SCYL2: variants seen among roughly 807,000 people sequenced by gnomAD.
SCYL2 encodes the protein SCY1 like pseudokinase 2, also known as SCY1-like protein 2.
In SCYL2, 36 loss-of-function variants were observed where a neutral mutation model predicts 100.4. The observed-to-expected ratio is 0.36, with a 90% CI of 0.27 to 0.47. The LOEUF (loss-of-function observed/expected upper bound fraction) is 0.47, where lower values mean the gene tolerates loss of function less well. SCYL2 is among the 20% of genes least tolerant of loss of function. SCYL2 has a pLI of 1.00. For missense variants in SCYL2, 902 were observed against 1,083.9 expected (o/e 0.83, Z 2.36); for synonymous variants, 330 against 359.2 (o/e 0.92, Z 0.92).
At chr12:100,321,629 A>C (rs2096355862) in intron 10 of SCYL2, among the ~76,000 whole-genome samples, 1 of 152,214 alleles carries the variant, frequency 6.6e-6, no homozygotes, top group Non-Finnish European at 1.5e-5. Context: ...GGAAGTACTT[A>C]CAAATAACAA....
chr12:100,326,129 T>G (rs986586666), intron 11 of SCYL2, among the ~76,000 whole-genome samples: 2 of 152,112 alleles, frequency 1.3e-5, no homozygotes, highest in Non-Finnish European at 2.9e-5. Context: ...TAAGAGGTCT[T>G]AATAACTGTA....
intron 13 of SCYL2, among the ~76,000 whole-genome samples, chr12:100,333,052 G>A (rs773273504): frequency 6.6e-6 from 1 of 151,840 alleles, no homozygotes; most frequent in Non-Finnish European, 1.5e-5. Flanking sequence ...GTTACATTGG[G>A]TGTGTTCAAT....
chr12:100,269,483 CCTGATGTGTAAGTG>C lies in SCYL2; in HGVS notation c.-29+1696_-29+1709del, dbSNP rs530945576. Among the ~76,000 whole-genome samples the C allele has an allele frequency of 5.6e-3, 848 of 152,174 alleles. 8 individuals carry two copies. The highest frequency in any genetic ancestry group is 0.019 in the African/African-American group (773 of 41,488). ...TAAATTAATTAGATGTTCCTCATCT[CCTGATGTGTAAGTG>C]CTGAATGTTTATTAAATGAATGAAT... On this transcript the variant is annotated intron_variant, in intron 1 of 17. Coordinates refer to ENST00000360820, the MANE Select transcript of SCYL2 (RefSeq NM_017988.6).
chr12:100,316,735 A>G (rs758947279), intron 9 of SCYL2, among the ~76,000 whole-genome samples: 2 of 152,198 alleles, frequency 1.3e-5, no homozygotes, highest in Non-Finnish European at 2.9e-5. Flanking sequence ...ATCAGTCAAG[A>G]TAGTACCCTA....
At chr12:100,324,454 G>T (rs2135923878) in intron 11 of SCYL2, among the ~76,000 whole-genome samples, 1 of 152,174 alleles carries the variant, frequency 6.6e-6, no homozygotes, top group East Asian at 1.9e-4. Flanking sequence ...CTAGTTCTCT[G>T]GAGATCCCGT....
chr12:100,293,596 T>C (rs1379577272), intron 3 of SCYL2, among the ~76,000 whole-genome samples: 1 of 151,820 alleles, frequency 6.6e-6, no homozygotes, highest in African/African-American at 2.4e-5. Flanking sequence ...GGCAGGGTCA[T>C]AGGACAATAG....
chr12:100,283,263 G>A, intron 2 of SCYL2, 116 bp downstream of exon 2: 1 of 785,240 alleles, frequency 1.3e-6, no homozygotes, highest in Non-Finnish European at 2.0e-6. Flanking sequence ...TTCTTAAATG[G>A]GTTCTTTAGT....
At chr12:100,296,458 C>T (rs1287431006) in intron 3 of SCYL2, among the ~76,000 whole-genome samples, 1 of 151,990 alleles carries the variant, frequency 6.6e-6, no homozygotes, top group African/African-American at 2.4e-5. Context: ...AGGAAAGAAC[C>T]TTGAAATGTA....
intron 4 of SCYL2, among the ~76,000 whole-genome samples, chr12:100,301,366 G>A (rs2135876243): frequency 6.6e-6 from 1 of 151,920 alleles, no homozygotes; most frequent in South Asian, 2.1e-4. Context: ...TTTCAATGGA[G>A]TTGTTTGAAC....
intron 1 of SCYL2, among the ~76,000 whole-genome samples, chr12:100,270,625 T>TTC (rs1215459797): frequency 6.8e-5 from 10 of 145,992 alleles, no homozygotes; most frequent in Admixed American, 2.7e-4. Context: ...GTTGCTTTCT[T>TTC]TTTTTTTTTT....
rs943098947 is a variant in SCYL2 at position 100,341,162 on chromosome 12, T to C, written c.*1990T>C. The C allele has an allele frequency of 2.0e-5, 3 of 152,112 alleles. No individual in the cohort carries two copies. The highest frequency in any genetic ancestry group is 4.8e-5 in the African/African-American group (2 of 41,458). The allele number at this position is 152,112 out of a possible 1,614,324, so 9.4% of individuals were successfully genotyped here. On this transcript the variant is annotated 3_prime_UTR_variant, in exon 18 of 18. Coordinates refer to ENST00000360820, the MANE Select transcript of SCYL2 (RefSeq NM_017988.6). ...ATGGTGCTATGTTTTTACAAAATTG[T>C]TCCTACACCTTTTTTCTACTTCAGG...
chr12:100,338,947 G>C lies in SCYL2; in HGVS notation c.2565G>C (p.Gln855His), dbSNP rs771452664. The change falls in exon 18 of 18, where the codon CAG (glutamine) becomes CAC (histidine). Residue 855 changes from glutamine to histidine, a missense_variant. Transcript: ENST00000360820. ...AGAAACCCAAAGTTAGCATGAACCA[G>C]TTATCACAACAGAAACCAAATCAGT... ...GPQKPKVSMN[Q>H]LSQQKPNQWL... 32 of 1,614,034 alleles carry C rather than the reference G, an allele frequency of 2.0e-5. No homozygotes were observed. Among genetic ancestry groups the C allele is most frequent in the Non-Finnish European group, 2.6e-5 (31 of 1,180,000 alleles).
chr12:100,311,198 T>C lies in SCYL2; in HGVS notation c.630+5T>C. 6.3e-7 allele frequency: 1 copy of C among 1,583,092 alleles called. No homozygotes were observed. The highest frequency in any genetic ancestry group is 1.4e-5 in the African/African-American group (1 of 73,098). On this transcript the variant is annotated splice_donor_5th_base_variant and intron_variant, in intron 5 of 17. Coordinates refer to ENST00000360820, the MANE Select transcript of SCYL2 (RefSeq NM_017988.6). ...ACCAATCCTTCTGAACAAGAGGTAA[T>C]GAAAGTTTTAGTCTTCTAATTTTTG...
intron 2 of SCYL2, among the ~76,000 whole-genome samples, chr12:100,289,583 A>T (rs1385738590): frequency 1.3e-5 from 2 of 152,128 alleles, no homozygotes; most frequent in Non-Finnish European, 2.9e-5. Flanking sequence ...TATTTGTAAG[A>T]TTTTCTAGTA....
intron 16 of SCYL2, among the ~76,000 whole-genome samples, chr12:100,337,181 T>G (rs980163569): frequency 6.6e-6 from 1 of 152,170 alleles, no homozygotes; most frequent in African/African-American, 2.4e-5. Context: ...ATGCTGGAAA[T>G]ACTTTTGCAC....
At position 100,339,122 on chromosome 12, in the gene SCYL2, A is replaced by G. The variant is rs762930860; in HGVS notation, c.2740A>G (p.Met914Val). 3 of 1,614,048 alleles carry G rather than the reference A, an allele frequency of 1.9e-6. No homozygotes were observed. The highest frequency in any genetic ancestry group is 1.7e-5 in the Admixed American group (1 of 60,020). The change falls in exon 18 of 18, where the codon ATG becomes GTG. Residue 914 changes from methionine (M) to valine (V), a missense_variant. By Grantham distance (21) the Met-to-Val change is conservative (BLOSUM62 1). Coordinates refer to ENST00000360820, the MANE Select transcript of SCYL2 (RefSeq NM_017988.6). ...PQNFAQPPTT[M>V]TNSSSASNDL... ...GAACTTTGCACAGCCACCAACTACT[A>G]TGACCAATAGCAGTTCAGCTAGCAA...
intron 3 of SCYL2, among the ~76,000 whole-genome samples, chr12:100,295,158 C>T (rs1000232571): frequency 2.2e-4 from 33 of 151,370 alleles, no homozygotes; most frequent in Non-Finnish European, 3.8e-4. Context: ...GGAAGAGGCG[C>T]TCCTCACTTC....
Position 100,314,707 on chromosome 12 carries a change from T to C in SCYL2, c.1095+93T>C, listed in dbSNP as rs750197098. 5.2e-5 allele frequency: 65 copies of C among 1,251,152 alleles called. No homozygotes were observed. In the Middle Eastern group the frequency reaches 7.7e-4, roughly 15 times the overall value. The allele number at this position is 1,251,152 out of a possible 1,614,324, so 77.5% of individuals were successfully genotyped here. On this transcript the variant is annotated intron_variant, in intron 8 of 17. Coordinates refer to ENST00000360820, the MANE Select transcript of SCYL2 (RefSeq NM_017988.6). The stretch of plus-strand genomic sequence containing the variant: ...CCATAACTCTTCCAAGAAAATAATA[T>C]AACTTTGCCTGAGGTACATAAATGA...
At position 100,298,192 on chromosome 12, in the gene SCYL2, A is replaced by T. The variant is rs1351363817; in HGVS notation, c.480+17A>T. 1 of 1,488,620 alleles carries T rather than the reference A, an allele frequency of 6.7e-7. No homozygotes were observed. The highest frequency in any genetic ancestry group is 1.4e-5 in the African/African-American group (1 of 69,214). The allele number at this position is 1,488,620 out of a possible 1,614,324, so 92.2% of individuals were successfully genotyped here. A position where few individuals can be genotyped will look rare whatever the true frequency, so the allele number is the denominator to read the frequency against. ...TTGCTTCAGGTATGTATTTTTATTC[A>T]TCATGTAAAAAAGAGTTGTTTCCTT... On this transcript the variant is annotated intron_variant, in intron 4 of 17. Transcript: ENST00000360820.
Sources: gnomAD v4.1 joint callset for allele counts (sites outside exome capture counted in the v4.1 genomes callset) on GRCh38, gnomAD v4.1.1 for gene constraint, MANE v1.5 for transcripts, NCBI Gene and HGNC (gene_info 2026-07-23, HGNC 2026-07-21) for gene names.